The following VPS35L variants were observed in gnomAD, a reference collection of about 807,000 sequenced individuals.
The protein encoded by VPS35L is VPS35 endosomal protein-sorting factor-like.
Under a neutral mutation model 133.0 loss-of-function variants are expected in VPS35L, and 83 were observed. The observed-to-expected ratio is 0.62, with a 90% CI of 0.52 to 0.75. The LOEUF is 0.75. Among genes scored for constraint, VPS35L ranks in the 30% least tolerant of loss-of-function variants. The pLI is 0.00. For missense variants in VPS35L, 1,083 were observed against 1,206.8 expected (o/e 0.90, Z 1.52); for synonymous variants, 423 against 449.9 (o/e 0.94, Z 0.76).
chr16:19,685,182 C>T (rs1975416406), intron 28 of VPS35L, among the ~76,000 whole-genome samples: 1 of 152,088 alleles, frequency 6.6e-6, no homozygotes, highest in African/African-American at 2.4e-5. Flanking sequence ...AGAAATAGAA[C>T]ACCTCCTTCA....
At chr16:19,572,374 C>T (rs111530153) in intron 3 of VPS35L, among the ~76,000 whole-genome samples, 2 of 152,288 alleles carry the variant, frequency 1.3e-5, no homozygotes, top group African/African-American at 4.8e-5. Context: ...GTAGAGATCA[C>T]GTCACTGCAC....
At chr16:19,635,183 TAAAA>T (rs1288257344) in intron 19 of VPS35L, among the ~76,000 whole-genome samples, 4 of 151,252 alleles carry the variant, frequency 2.6e-5, no homozygotes. Context: ...TGCAAAAAAT[TAAAA>T]AAAGAAAGAA....
intron 6 of VPS35L, among the ~76,000 whole-genome samples, chr16:19,580,435 G>A (rs982078123): frequency 5.9e-5 from 9 of 152,062 alleles, no homozygotes; most frequent in African/African-American, 1.7e-4. Flanking sequence ...TTAATAAAGC[G>A]TTTTTCACTT....
At chr16:19,660,564 A>T (rs1238196934) in intron 26 of VPS35L, among the ~76,000 whole-genome samples, 1 of 152,180 alleles carries the variant, frequency 6.6e-6, no homozygotes, top group African/African-American at 2.4e-5. Flanking sequence ...GCATTATTGA[A>T]AAAAAGCAAA....
Position 19,664,713 on chromosome 16 carries a change from A to G in VPS35L, c.2222-4447A>G, listed in dbSNP as rs139977825. On this transcript the variant is annotated intron_variant, in intron 26 of 30. Coordinates refer to ENST00000417362, the MANE Select transcript of VPS35L (RefSeq NM_020314.7). ...GCCAGGAGTTAAGACCAGCTTGCCC[A>G]ACATGGTGAAACCCCATCTCTACTA... is the stretch of plus-strand genomic sequence containing the variant. Among the ~76,000 whole-genome samples, 25 of 152,234 alleles carry G rather than the reference A, an allele frequency of 1.6e-4. No individual in the cohort carries two copies. In the East Asian group the frequency reaches 4.8e-3, roughly 29 times the overall value.
intron 27 of VPS35L, among the ~76,000 whole-genome samples, chr16:19,678,188 C>T (rs989839514): frequency 6.6e-6 from 1 of 151,936 alleles, no homozygotes; most frequent in Non-Finnish European, 1.5e-5. Flanking sequence ...TACTTTTTTC[C>T]CAAGGGGTTT....
intron 26 of VPS35L, among the ~76,000 whole-genome samples, chr16:19,666,165 C>A (rs750413251): frequency 6.6e-6 from 1 of 151,866 alleles, no homozygotes; most frequent in Admixed American, 6.6e-5. Flanking sequence ...CTTTGCTGTG[C>A]GGAGCTTTTT....
At position 19,628,749 on chromosome 16, in the gene VPS35L, C is replaced by T. The variant is rs1351584165; in HGVS notation, c.1496C>T (p.Pro499Leu). 1 of 1,390,002 alleles carries T rather than the reference C, an allele frequency of 7.2e-7. No homozygotes were observed. The highest frequency in any genetic ancestry group is 2.2e-5 in the Admixed American group (1 of 45,872). The allele number at this position is 1,390,002 out of a possible 1,614,324, so 86.1% of individuals were successfully genotyped here. A position where few individuals can be genotyped will look rare whatever the true frequency, so the allele number is the denominator to read the frequency against. The change falls in exon 17 of 31, where the codon CCA (proline) becomes CTA (leucine). Residue 499 changes from proline to leucine, a missense_variant. Physicochemically the swap from Pro to Leu is moderately conservative, Grantham distance 98. Transcript: ENST00000417362. ...AWKVITKLKN[P>L]QDYINCAEVW... ...AAAGTCATCACTAAGCTGAAGAACC[C>T]ACAGGTGAGTGGCCATTTTATTTTT...
At chr16:19,629,903 A>G in intron 18 of VPS35L, 83 bp downstream of exon 18, 1 of 1,336,768 alleles carries the variant, frequency 7.5e-7, no homozygotes. Context: ...TTAGGTATTG[A>G]GGCATTTGAC....
chr16:19,557,328 G>T (rs1279377842), intron 1 of VPS35L, among the ~76,000 whole-genome samples: 1 of 152,140 alleles, frequency 6.6e-6, no homozygotes, highest in Non-Finnish European at 1.5e-5. Flanking sequence ...AGGCAAACAG[G>T]TGCCATAACG....
At chr16:19,671,073 G>T (rs955323435) in intron 27 of VPS35L, among the ~76,000 whole-genome samples, 4 of 152,240 alleles carry the variant, frequency 2.6e-5, no homozygotes, top group Non-Finnish European at 4.4e-5. Context: ...AGAAGCAACA[G>T]ATTACAGTAT....
chr16:19,637,536 A>C (rs953456083), intron 19 of VPS35L, 58 bp from the exon 20 acceptor site: 173 of 1,310,994 alleles, frequency 1.3e-4, no homozygotes, highest in Non-Finnish European at 1.7e-4. Flanking sequence ...GTAAACCAGA[A>C]AGAAATTTTT....
At chr16:19,608,386 T>G in intron 10 of VPS35L, 112 bp downstream of exon 10, 1 of 842,900 alleles carries the variant, frequency 1.2e-6, no homozygotes, top group Non-Finnish European at 1.9e-6. Context: ...GAAAGTTTGG[T>G]CCCGTTACGG....
At chr16:19,631,254 G>A (rs1260696004) in intron 18 of VPS35L, among the ~76,000 whole-genome samples, 1 of 152,136 alleles carries the variant, frequency 6.6e-6, no homozygotes, top group Non-Finnish European at 1.5e-5. Flanking sequence ...ATGCAAAAAA[G>A]TGCACGTATC....
At chr16:19,563,369 A>C (rs1204905866) in intron 1 of VPS35L, among the ~76,000 whole-genome samples, 1 of 151,710 alleles carries the variant, frequency 6.6e-6, no homozygotes, top group Non-Finnish European at 1.5e-5. Flanking sequence ...AAATTTTACT[A>C]TGAAGGCTCC....
At chr16:19,570,886 TA>T (rs1181536362) in intron 3 of VPS35L, among the ~76,000 whole-genome samples, 5 of 97,478 alleles carry the variant, frequency 5.1e-5, no homozygotes, top group Non-Finnish European at 7.9e-5. Context: ...TATATATATA[TA>T]TATTTTTGAG....
At chr16:19,638,143 G>A (rs1433161280) in intron 20 of VPS35L, among the ~76,000 whole-genome samples, 1 of 152,128 alleles carries the variant, frequency 6.6e-6, no homozygotes, top group South Asian at 2.1e-4. Flanking sequence ...CAGTGCCCTG[G>A]GCAAGTAGGG....
intron 14 of VPS35L, chr16:19,617,244 G>C (rs1359886362): frequency 2.8e-6 from 1 of 352,580 alleles, no homozygotes; most frequent in Non-Finnish European, 5.2e-6. Context: ...TATAGTCCCA[G>C]CTACTCAGGA....
chr16:19,652,181 G>T (rs1315060379), intron 26 of VPS35L, 91 bp downstream of exon 26: 7 of 947,446 alleles, frequency 7.4e-6, no homozygotes, highest in Admixed American at 6.3e-5. Context: ...GAGAGACAAA[G>T]ATTTCTTTTT....
Sources: gnomAD v4.1 joint callset for allele counts (sites outside exome capture counted in the v4.1 genomes callset) on GRCh38, gnomAD v4.1.1 for gene constraint, MANE v1.5 for transcripts, NCBI Gene and HGNC (gene_info 2026-07-23, HGNC 2026-07-21) for gene names.